Variants in ADAMTS17 observed in about 807,000 individuals in gnomAD.
ADAMTS17 encodes the protein A disintegrin and metalloproteinase with thrombospondin motifs 17.
In ADAMTS17, 113 loss-of-function variants were observed where a neutral mutation model predicts 141.5. That is an observed-to-expected ratio of 0.80 (90% confidence interval 0.69 to 0.93). The LOEUF (loss-of-function observed/expected upper bound fraction) is 0.93. Among genes scored for constraint, ADAMTS17 ranks in the 40% least tolerant of loss-of-function variants. ADAMTS17 has a pLI of 0.00. For synonymous variants in ADAMTS17, 768 were observed against 630.6 expected, an observed-to-expected ratio of 1.22 and a Z score of -3.27; for missense variants, 1,659 against 1,517.9, an observed-to-expected ratio of 1.09 and a Z score of -1.54.
Position 100,109,042 on chromosome 15 carries a change from C to T in ADAMTS17, c.1963G>A (p.Gly655Ser), listed in dbSNP as rs977560429. The T allele has an allele frequency of 4.2e-5, 68 of 1,613,990 alleles. No individual in the cohort carries two copies. In the East Asian group the frequency reaches 1.4e-3, roughly 32 times the overall value. ...PLLVADRVLDGTPCGPYETDL... is the reference protein window; with the variant it reads ...PLLVADRVLDSTPCGPYETDL... ...GTCTCGTAGGGCCCGCAGGGTGTACCGTCCAGGACCCTGTCGGCCACCAGC... is the reference window on the plus strand; with the variant it reads ...GTCTCGTAGGGCCCGCAGGGTGTACTGTCCAGGACCCTGTCGGCCACCAGC... Residue 655 changes from glycine to serine, a missense_variant, in exon 14 of 22, where the codon GGT (glycine) becomes AGT (serine). Transcript: ENST00000268070.
chr15:100,214,321 T>C (rs971316038), intron 7 of ADAMTS17, among the ~76,000 whole-genome samples: 1 of 152,194 alleles, frequency 6.6e-6, no homozygotes, highest in African/African-American at 2.4e-5. Flanking sequence ...TGTGCTAAGA[T>C]ATCATATTTA....
chr15:100,170,797 G>A (rs2040130384), intron 8 of ADAMTS17, among the ~76,000 whole-genome samples: 1 of 152,154 alleles, frequency 6.6e-6, no homozygotes, highest in Non-Finnish European at 1.5e-5. Context: ...TGGATTCCTT[G>A]GAAGCTGAGA....
chr15:100,331,291 T>G (rs575665394), intron 2 of ADAMTS17, among the ~76,000 whole-genome samples: 2 of 152,182 alleles, frequency 1.3e-5, no homozygotes, highest in East Asian at 3.8e-4. Context: ...TACAACAGCA[T>G]CCATTTTCCA....
At chr15:100,153,366 C>T (rs992875179) in intron 9 of ADAMTS17, among the ~76,000 whole-genome samples, 17 of 152,066 alleles carry the variant, frequency 1.1e-4, no homozygotes, top group Admixed American at 8.5e-4. Context: ...GGGGGCCGGG[C>T]TCGGGGGCTC....
At chr15:100,287,004 C>T (rs531439482) in intron 3 of ADAMTS17, among the ~76,000 whole-genome samples, 5 of 152,226 alleles carry the variant, frequency 3.3e-5, no homozygotes, top group African/African-American at 1.2e-4. Flanking sequence ...CCTGGCCAAC[C>T]TGGTTAAACC....
rs566036893 is a variant in ADAMTS17, at chr15:100,243,006, C to G, written c.1075+11130G>C. On this transcript the variant is annotated intron_variant, in intron 7 of 21. Coordinates refer to ENST00000268070, the MANE Select transcript of ADAMTS17 (RefSeq NM_139057.4). Reference sequence around the variant, plus strand: ...CATGACCGCGTTCCTCAGCTCCTGGCAACTGCCATCCTGCTTTCTGTCTCC... The same window carrying G: ...CATGACCGCGTTCCTCAGCTCCTGGGAACTGCCATCCTGCTTTCTGTCTCC... Among the ~76,000 whole-genome samples the G allele has an allele frequency of 2.0e-5, 3 of 152,328 alleles. No individual in the cohort carries two copies. The South Asian group carries it at 6.2e-4, about 32-fold the overall frequency.
chr15:100,015,183 C>G (rs2141420467), intron 18 of ADAMTS17, among the ~76,000 whole-genome samples: 1 of 152,278 alleles, frequency 6.6e-6, no homozygotes, highest in Non-Finnish European at 1.5e-5. Flanking sequence ...AATAGCTACC[C>G]CTGCTCACTT....
intron 18 of ADAMTS17, among the ~76,000 whole-genome samples, chr15:100,022,715 T>C (rs1301821314): frequency 6.6e-6 from 1 of 152,202 alleles, no homozygotes; most frequent in African/African-American, 2.4e-5. Flanking sequence ...TAATTCATGT[T>C]CTGAGTAAAT....
chr15:100,073,169 C>T (rs927114729), intron 15 of ADAMTS17, among the ~76,000 whole-genome samples: 3 of 152,116 alleles, frequency 2.0e-5, no homozygotes, highest in African/African-American at 4.8e-5. Context: ...AAAATGCTCA[C>T]CATCAGTGGC....
chr15:100,076,404 C>A (rs1257116138), intron 15 of ADAMTS17, among the ~76,000 whole-genome samples: 1 of 152,190 alleles, frequency 6.6e-6, no homozygotes, highest in African/African-American at 2.4e-5. Context: ...GGCAGTAACT[C>A]TGGGTCACAA....
intron 18 of ADAMTS17, among the ~76,000 whole-genome samples, chr15:100,032,203 C>G (rs1317590242): frequency 6.6e-6 from 1 of 152,102 alleles, no homozygotes. Context: ...TACTTGGGGT[C>G]TGACTGAGAG....
intron 15 of ADAMTS17, among the ~76,000 whole-genome samples, chr15:100,090,718 A>T (rs1427136417): frequency 6.6e-6 from 1 of 152,166 alleles, no homozygotes; most frequent in African/African-American, 2.4e-5. Flanking sequence ...CATGATAAAA[A>T]GGAAACCAGC....
chr15:100,113,835 G>A (rs572647415), intron 13 of ADAMTS17, among the ~76,000 whole-genome samples: 1 of 152,330 alleles, frequency 6.6e-6, no homozygotes, highest in East Asian at 1.9e-4. Flanking sequence ...GGGTTCTGCC[G>A]TGCCAGGCAG....
rs1287733938 is a variant in ADAMTS17, at chr15:99,976,135, C to T, written c.3037G>A (p.Ala1013Thr). The change falls in exon 21 of 22, where the codon GCC becomes ACC. Residue 1013 changes from alanine to threonine, a missense_variant. By Grantham distance (58) the Ala-to-Thr change is moderately conservative. Transcript: ENST00000268070. ...VTGRHGSECP[A>T]LSKPAPYRQC... is the part of the protein sequence containing the mutation. The stretch of plus-strand genomic sequence containing the variant: ...CTGTAGGGGGCAGGCTTCGAGAGGG[C>T]GGGGCACTCGCTGCCGTGGCGCCCT... 5.2e-6 allele frequency: 8 copies of T among 1,550,852 alleles called. No individual in the cohort carries two copies. Among genetic ancestry groups the T allele is most frequent in the Middle Eastern group, 1.7e-4 (1 of 6,014 alleles).
intron 7 of ADAMTS17, among the ~76,000 whole-genome samples, chr15:100,215,704 C>T (rs191126857): frequency 1.3e-5 from 2 of 152,068 alleles, no homozygotes; most frequent in Non-Finnish European, 2.9e-5. Flanking sequence ...TGCACAAGGC[C>T]CCTGGGCTGC....
rs187931677 is a variant in ADAMTS17 at position 100,322,948 on chromosome 15, G to A, written c.616+7941C>T. Among the ~76,000 whole-genome samples, 899 of 152,016 alleles carry A rather than the reference G, an allele frequency of 5.9e-3. 11 individuals carry two copies. Among genetic ancestry groups the A allele is most frequent in the Non-Finnish European group, 6.9e-3 (472 of 67,936 alleles). ...TAAAAATACAAAAAATTAGCCAGGCGTGGTGGCGGGCACCTGTAGTCCCAG... is the reference window on the plus strand; with the variant it reads ...TAAAAATACAAAAAATTAGCCAGGCATGGTGGCGGGCACCTGTAGTCCCAG... On this transcript the variant is annotated intron_variant, in intron 3 of 21. Coordinates refer to ENST00000268070, the MANE Select transcript of ADAMTS17 (RefSeq NM_139057.4).
At chr15:100,086,333 C>A (rs2035099452) in intron 15 of ADAMTS17, among the ~76,000 whole-genome samples, 1 of 150,590 alleles carries the variant, frequency 6.6e-6, no homozygotes, top group Admixed American at 6.6e-5. Context: ...ACAGGAGCAC[C>A]CAGATTCATA....
chr15:100,025,451 G>T (rs2437432), intron 18 of ADAMTS17, among the ~76,000 whole-genome samples: 16,398 of 132,452 alleles, frequency 0.12, 2,473 homozygotes, highest in African/African-American at 0.37. Flanking sequence ...TCACTCTTTT[G>T]CCCAGGCTGG....
rs1289833944 is a variant in ADAMTS17 at position 100,152,253 on chromosome 15, G to A, written c.1473+359C>T. ...CAGGCGACAGTGTCCTGCGTCTCTA[G>A]TGTCCTCAGGTTTCCATATTAAAAT... On this transcript the variant is annotated intron_variant, in intron 10 of 21. Coordinates refer to ENST00000268070, the MANE Select transcript of ADAMTS17 (RefSeq NM_139057.4). Among the ~76,000 whole-genome samples, 6 of 152,130 alleles carry A rather than the reference G, an allele frequency of 3.9e-5. No homozygotes were observed. The East Asian group carries it at 1.2e-3, about 29-fold the overall frequency.
Sources: gnomAD v4.1 joint callset for allele counts (sites outside exome capture counted in the v4.1 genomes callset) on GRCh38, gnomAD v4.1.1 for gene constraint, MANE v1.5 for transcripts, NCBI Gene and HGNC (gene_info 2026-07-23, HGNC 2026-07-21) for gene names.